The following KIAA1328 variants were observed in gnomAD, a reference collection of about 807,000 sequenced individuals.
KIAA1328 encodes the protein KIAA1328.
In KIAA1328, 52 loss-of-function variants were observed where a neutral mutation model predicts 68.1. The observed-to-expected ratio is 0.76, with a 90% CI of 0.61 to 0.96. KIAA1328 has a LOEUF of 0.96. Ranked by LOEUF, KIAA1328 falls within the 40% of genes least tolerant of loss-of-function variation. The pLI, the probability that KIAA1328 is intolerant of heterozygous loss-of-function variation, is 0.00. For missense variants in KIAA1328, 641 were observed against 677.6 expected, an observed-to-expected ratio of 0.95 and a Z score of 0.60; for synonymous variants, 232 against 239.4, an observed-to-expected ratio of 0.97 and a Z score of 0.28.
intron 6 of KIAA1328, among the ~76,000 whole-genome samples, chr18:36,973,735 C>T (rs1386632299): frequency 6.6e-6 from 1 of 151,744 alleles, no homozygotes; most frequent in Non-Finnish European, 1.5e-5. Context: ...TTACTATTGT[C>T]TTCCAGTTAG....
downstream of KIAA1328, chr18:37,229,580 GA>G (rs762184056): frequency 2.3e-6 from 3 of 1,276,764 alleles, no homozygotes; most frequent in South Asian, 3.9e-5. Flanking sequence ...CAATCTTCAA[GA>G]AGTATCAAGT....
chr18:36,903,031 A>G (rs761642505), intron 5 of KIAA1328, among the ~76,000 whole-genome samples: 3 of 152,096 alleles, frequency 2.0e-5, no homozygotes, highest in Non-Finnish European at 4.4e-5. Flanking sequence ...CTTAGGGGCT[A>G]CTTAATAATT....
intron 9 of KIAA1328, among the ~76,000 whole-genome samples, chr18:37,176,070 C>T (rs1449826377): frequency 6.6e-6 from 1 of 152,152 alleles, no homozygotes; most frequent in Non-Finnish European, 1.5e-5. Flanking sequence ...TTTCATTCCC[C>T]ATTCAAGATG....
chr18:37,071,466 TG>T (rs1444703907), intron 7 of KIAA1328, among the ~76,000 whole-genome samples: 2 of 152,224 alleles, frequency 1.3e-5, no homozygotes, highest in East Asian at 3.9e-4. Context: ...TGAAAATAGT[TG>T]GGGGCAATAA....
rs567961341 is a variant in KIAA1328, at chr18:36,922,203, A to T, written c.448+36531A>T. ...TATTCTTAGGTTTTTCCAAGTATTAATGCCGTTGTCTTTGTTTGCTGTGTC... is the reference window on the plus strand; with the variant it reads ...TATTCTTAGGTTTTTCCAAGTATTATTGCCGTTGTCTTTGTTTGCTGTGTC... On this transcript the variant is annotated intron_variant, in intron 5 of 9. Transcript: ENST00000280020. Among the ~76,000 whole-genome samples the T allele has an allele frequency of 1.2e-4, 18 of 152,308 alleles. No individual in the cohort carries two copies. The South Asian group carries it at 3.5e-3, about 30-fold the overall frequency.
In KIAA1328 at chr18:36,844,212, C is replaced by G. The variant is rs750806827; in HGVS notation, c.242C>G (p.Ser81Cys). 2 of 1,573,160 alleles carry G rather than the reference C, an allele frequency of 1.3e-6. No individual in the cohort carries two copies. Among genetic ancestry groups the G allele is most frequent in the Non-Finnish European group, 1.7e-6 (2 of 1,163,930 alleles). Reference protein sequence around the residue: ...GTGDSVDEQNSCRGEIKSASL... With the variant: ...GTGDSVDEQNCCRGEIKSASL... ...ACTAAATTTTTTTTTTTTAAGAATTCCTGCAGGGGAGAAATAAAGAGTGCA... is the reference window on the plus strand; with the variant it reads ...ACTAAATTTTTTTTTTTTAAGAATTGCTGCAGGGGAGAAATAAAGAGTGCA... Residue 81 changes from serine to cysteine, a missense_variant, in exon 4 of 10, where the codon TCC (serine) becomes TGC (cysteine). By Grantham distance (112) the Ser-to-Cys change is moderately radical. Coordinates refer to ENST00000280020, the MANE Select transcript of KIAA1328 (RefSeq NM_020776.3).
chr18:37,225,238 T>A lies in KIAA1328; in HGVS notation c.*3011T>A. ...GTGGCGGACTCCTTCCAACTCACGA[T>A]TTATCCTCAGCTCAGAGTGTATTTT... On this transcript the variant is annotated 3_prime_UTR_variant, in exon 10 of 10. Transcript: ENST00000280020. 1 of 985,460 alleles carries A rather than the reference T, an allele frequency of 1.0e-6. No homozygotes were observed. The highest frequency in any genetic ancestry group is 1.2e-6 in the Non-Finnish European group (1 of 829,930). The allele number at this position is 985,460 out of a possible 1,614,324, so 61.0% of individuals were successfully genotyped here.
intron 5 of KIAA1328, among the ~76,000 whole-genome samples, chr18:36,935,517 T>C (rs1159693732): frequency 6.6e-6 from 1 of 152,180 alleles, no homozygotes; most frequent in East Asian, 1.9e-4. Context: ...TAAAACCATA[T>C]AGTTGATGAG....
At chr18:36,927,136 A>C (rs1482956219) in intron 5 of KIAA1328, among the ~76,000 whole-genome samples, 2 of 152,206 alleles carry the variant, frequency 1.3e-5, no homozygotes, top group Admixed American at 6.5e-5. Flanking sequence ...ACATTTTAAC[A>C]TGAGATTTGG....
intron 6 of KIAA1328, among the ~76,000 whole-genome samples, chr18:37,011,921 T>C (rs1482257060): frequency 1.3e-5 from 2 of 151,666 alleles, no homozygotes; most frequent in African/African-American, 4.9e-5. Flanking sequence ...GTAAGAAAGA[T>C]GAATATTACT....
intron 6 of KIAA1328, among the ~76,000 whole-genome samples, chr18:37,052,682 G>A (rs756503540): frequency 2.0e-4 from 30 of 151,800 alleles, no homozygotes; most frequent in African/African-American, 2.9e-4. Context: ...AAAACCAATA[G>A]CATTTCTATA....
In KIAA1328 at chr18:37,080,632, G is replaced by A. The variant is rs537946019; in HGVS notation, c.1232+13087G>A. Among the ~76,000 whole-genome samples the A allele has an allele frequency of 1.6e-4, 24 of 151,864 alleles. No homozygotes were observed. In the East Asian group the frequency reaches 3.3e-3, roughly 21 times the overall value. Reference sequence around the variant, plus strand: ...TCTACTAAAAATACAAAAATTAGCCGGGCATGGTGGCAGGCACCTGTAATC... The same window carrying A: ...TCTACTAAAAATACAAAAATTAGCCAGGCATGGTGGCAGGCACCTGTAATC... On this transcript the variant is annotated intron_variant, in intron 7 of 9. Coordinates refer to ENST00000280020, the MANE Select transcript of KIAA1328 (RefSeq NM_020776.3).
intron 7 of KIAA1328, among the ~76,000 whole-genome samples, chr18:37,137,318 T>C (rs1486568109): frequency 1.3e-5 from 2 of 152,166 alleles, no homozygotes; most frequent in Non-Finnish European, 2.9e-5. Flanking sequence ...CCTTCTCTTC[T>C]GCCTATAAGC....
intron 1 of KIAA1328, chr18:36,829,514 ACCCTGTCAGAGTGCCC>A: frequency 1.8e-6 from 2 of 1,089,090 alleles, no homozygotes; most frequent in Non-Finnish European, 2.3e-6. Context: ...CCCTCTGCCC[ACCCTGTCAGAGTGCCC>A]CCAGGCTGAC....
intron 9 of KIAA1328, among the ~76,000 whole-genome samples, chr18:37,204,962 CTTGTTGTTG>C (rs143018752): frequency 6.6e-6 from 1 of 151,118 alleles, no homozygotes. Flanking sequence ...GGCTTTTGAC[CTTGTTGTTG>C]TTGTTGTTGT....
At chr18:37,071,052 TC>T (rs1410712476) in intron 7 of KIAA1328, among the ~76,000 whole-genome samples, 1 of 146,038 alleles carries the variant, frequency 6.8e-6, no homozygotes, top group African/African-American at 2.6e-5. Context: ...TTGATTTTTT[TC>T]TTCCTTTTTT....
chr18:36,948,850 T>C (rs1400847955), intron 5 of KIAA1328, among the ~76,000 whole-genome samples: 1 of 152,188 alleles, frequency 6.6e-6, no homozygotes, highest in Non-Finnish European at 1.5e-5. Flanking sequence ...CGACATGACT[T>C]TTTTTAAAGA....
chr18:37,222,608 GAAAA>G lies in KIAA1328; in HGVS notation c.*383_*386del, dbSNP rs1166509582. ...TATATACAAGAAAAACCTTTCCACT[GAAAA>G]ATCCCTCTGATTTAAAAGTAACCCC... On this transcript the variant is annotated 3_prime_UTR_variant, in exon 10 of 10. Coordinates refer to ENST00000280020, the MANE Select transcript of KIAA1328 (RefSeq NM_020776.3). 3.9e-6 allele frequency: 4 copies of G among 1,038,322 alleles called. No individual in the cohort carries two copies. In the African/African-American group the frequency reaches 6.9e-5, roughly 18 times the overall value. 64.3% of individuals were successfully genotyped at this position (1,038,322 alleles called of 1,614,324 possible). A position where few individuals can be genotyped will look rare whatever the true frequency, so the allele number is the denominator to read the frequency against.
At chr18:37,053,698 G>A (rs1415689607) in intron 6 of KIAA1328, among the ~76,000 whole-genome samples, 1 of 152,100 alleles carries the variant, frequency 6.6e-6, no homozygotes, top group Non-Finnish European at 1.5e-5. Flanking sequence ...GGGAGGGAAA[G>A]CAAACATATC....
Sources: allele counts gnomAD v4.1 joint callset (sites outside exome capture counted in the v4.1 genomes callset), GRCh38; gene constraint gnomAD v4.1.1; transcripts MANE v1.5; gene names NCBI Gene and HGNC (gene_info 2026-07-23, HGNC 2026-07-21).